Variants in KNL1 observed in about 807,000 individuals in gnomAD.
The protein encoded by KNL1 is kinetochore scaffold 1, also known as outer kinetochore KNL1 complex subunit KNL1.
A neutral mutation model predicts 201.3 loss-of-function variants in KNL1; 66 were observed. The ratio of observed to expected loss-of-function variants is 0.33; its 90% CI spans 0.27 to 0.40. The LOEUF is 0.40. KNL1 is among the 10% of genes least tolerant of loss of function. KNL1 has a pLI of 1.00. For missense variants in KNL1, 2,815 were observed against 2,690.5 expected (o/e 1.05, Z -1.02); for synonymous variants, 895 against 899.2 (o/e 1.00, Z 0.08).
intron 1 of KNL1, among the ~76,000 whole-genome samples, chr15:40,599,402 G>A (rs1183580579): frequency 4.1e-5 from 6 of 147,030 alleles, no homozygotes; most frequent in Non-Finnish European, 6.0e-5. Context: ...CCCACCCCCC[G>A]AGACAGGGTC....
At chr15:40,661,971 G>A (rs1174353129) in intron 25 of KNL1, 103 bp from the exon 26 acceptor site, 3 of 626,188 alleles carry the variant, frequency 4.8e-6, no homozygotes, top group African/African-American at 3.7e-5. Context: ...AACCCGGGAG[G>A]TGGAGCTTGC....
intron 25 of KNL1, among the ~76,000 whole-genome samples, chr15:40,660,060 C>A (rs980916803): frequency 6.6e-6 from 1 of 151,806 alleles, no homozygotes; most frequent in South Asian, 2.1e-4. Context: ...TAAAGGCAAG[C>A]GCCACCACAC....
intron 6 of KNL1, chr15:40,610,685 G>A (rs1185475354): frequency 6.6e-6 from 3 of 452,126 alleles, no homozygotes; most frequent in African/African-American, 4.0e-5. Flanking sequence ...GCAAGACTCT[G>A]TCTCAAAAAC....
chr15:40,660,482 TG>T (rs1893875672), intron 25 of KNL1, among the ~76,000 whole-genome samples: 1 of 148,236 alleles, frequency 6.7e-6, no homozygotes, highest in Non-Finnish European at 1.5e-5. Context: ...CTGGCCAAGT[TG>T]GTGAAACCCC....
At chr15:40,657,509 A>C in intron 24 of KNL1, 36 bp downstream of exon 24, 1 of 1,093,778 alleles carries the variant, frequency 9.1e-7, no homozygotes. Flanking sequence ...GCCATGACAG[A>C]GTACTACAAA....
At chr15:40,610,924 A>G (rs1005714370) in intron 6 of KNL1, 7 of 437,380 alleles carry the variant, frequency 1.6e-5, no homozygotes, top group Non-Finnish European at 9.2e-6. Context: ...TAATTTTTGT[A>G]TTTTTAGTAG....
chr15:40,647,083 T>G lies in KNL1; in HGVS notation c.6094+9T>G. 7.6e-7 allele frequency: 1 copy of G among 1,307,904 alleles called. No homozygotes were observed. Among genetic ancestry groups the G allele is most frequent in the Non-Finnish European group, 1.1e-6 (1 of 905,062 alleles). The allele number at this position is 1,307,904 out of a possible 1,614,324, so 81.0% of individuals were successfully genotyped here. On this transcript the variant is annotated intron_variant, in intron 17 of 25. Coordinates refer to ENST00000399668, the MANE Select transcript of KNL1 (RefSeq NM_144508.5). ...CACTGAGATGGAAACAGGTAAAGTA[T>G]TTTAAATACTTTTCCAAAAGAAAAT...
intron 13 of KNL1, among the ~76,000 whole-genome samples, chr15:40,638,554 C>T (rs1170286352): frequency 6.6e-6 from 1 of 151,692 alleles, no homozygotes; most frequent in Non-Finnish European, 1.5e-5. Flanking sequence ...TGCAATGGTG[C>T]GATCTCGGCT....
At chr15:40,626,641 G>A (rs1282801231) in intron 10 of KNL1, among the ~76,000 whole-genome samples, 1 of 151,964 alleles carries the variant, frequency 6.6e-6, no homozygotes, top group African/African-American at 2.4e-5. Context: ...GTGCAGTGGC[G>A]CGATCTCGGC....
chr15:40,622,196 G>A lies in KNL1; in HGVS notation c.1932G>A (p.Trp644Ter). 6.2e-7 allele frequency: 1 copy of A among 1,614,070 alleles called. No individual in the cohort carries two copies. The highest frequency in any genetic ancestry group is 8.5e-7 in the Non-Finnish European group (1 of 1,179,968). The change falls in exon 10 of 26, where the codon TGG becomes TGA. Residue 644 changes from tryptophan (W) to a stop codon, truncating the protein, a stop_gained. Coordinates refer to ENST00000399668, the MANE Select transcript of KNL1 (RefSeq NM_144508.5). LOFTEE classifies it high-confidence loss of function. Reference sequence around the variant, plus strand: ...ACACCTGGAACAAAGACAAAGATTGGGTTTTGAAGATTTTGCCCTACCTTG... The same window carrying A: ...ACACCTGGAACAAAGACAAAGATTGAGTTTTGAAGATTTTGCCCTACCTTG... ...LTDTWNKDKD[W>*]VLKILPYLDK...
intron 10 of KNL1, among the ~76,000 whole-genome samples, chr15:40,627,278 G>A (rs545384422): frequency 6.6e-6 from 1 of 152,316 alleles, no homozygotes; most frequent in African/African-American, 2.4e-5. Flanking sequence ...ACTTTGGGAG[G>A]CCAGGGCAGG....
At position 40,622,271 on chromosome 15, in the gene KNL1, C is replaced by T. The variant is rs1394452340; in HGVS notation, c.2007C>T (p.Ser669=). ...ATTGTAATCAGGAGATAGCAACAAG[C>T]CATAATATAGTCTACTGTGGTGGAG... ...SADCNQEIAT[S]HNIVYCGGVL... The change falls in exon 10 of 26, where the codon AGC becomes AGT. Residue 669 remains serine, a synonymous_variant. Transcript: ENST00000399668. 3 of 1,613,938 alleles carry T rather than the reference C, an allele frequency of 1.9e-6. No individual in the cohort carries two copies. The Admixed American group carries it at 5.0e-5, about 27-fold the overall frequency.
At chr15:40,658,914 A>G (rs540371589) in intron 24 of KNL1, among the ~76,000 whole-genome samples, 42 of 149,616 alleles carry the variant, frequency 2.8e-4, no homozygotes, top group Admixed American at 8.7e-4. Context: ...TGGGTGACAG[A>G]GCGAGACTCC....
intron 13 of KNL1, among the ~76,000 whole-genome samples, chr15:40,638,437 A>G (rs1213976460): frequency 6.6e-6 from 1 of 151,458 alleles, no homozygotes; most frequent in Non-Finnish European, 1.5e-5. Flanking sequence ...TCCTGCCTCA[A>G]CCTCCTGGGA....
chr15:40,625,406 A>G lies in KNL1; in HGVS notation c.5142A>G (p.Glu1714=). Residue 1714 remains glutamate (E), a synonymous_variant, in exon 10 of 26, where the codon GAA becomes GAG. Transcript: ENST00000399668. ...NLSPSQYINE[E]NLPVYPDEIN... ...GTCCTTCTCAATATATAAATGAGGA[A>G]AATCTTCCTGTATATCCTGATGAGA... 1 of 1,613,848 alleles carries G rather than the reference A, an allele frequency of 6.2e-7. No homozygotes were observed. Among genetic ancestry groups the G allele is most frequent in the African/African-American group, 1.3e-5 (1 of 75,012 alleles).
intron 4 of KNL1, among the ~76,000 whole-genome samples, chr15:40,608,557 C>G (rs1031347502): frequency 6.6e-6 from 1 of 151,436 alleles, no homozygotes; most frequent in Admixed American, 6.6e-5. Context: ...ACCAGCCTGA[C>G]CAACATGGAG....
At chr15:40,661,541 C>T (rs1405118901) in intron 25 of KNL1, among the ~76,000 whole-genome samples, 1 of 152,244 alleles carries the variant, frequency 6.6e-6, no homozygotes, top group East Asian at 1.9e-4. Flanking sequence ...AACACCAAGA[C>T]TAAGATTTTT....
Position 40,657,124 on chromosome 15 carries a change from A to G in KNL1, c.6567A>G (p.Thr2189=), listed in dbSNP as rs747464774. The change falls in exon 23 of 26, where the codon ACA becomes ACG. Residue 2189 remains threonine, a synonymous_variant. Transcript: ENST00000399668. Reference sequence around the variant, plus strand: ...AAGAAAAGGAATCCTGGAAGAAGACATGTACAACCCAGCATCAGTTACCCA... The same window carrying G: ...AAGAAAAGGAATCCTGGAAGAAGACGTGTACAACCCAGCATCAGTTACCCA... ...YVEEKESWKK[T]CTTQHQLPKM... The G allele has an allele frequency of 3.7e-6, 6 of 1,608,198 alleles. No homozygotes were observed. Among genetic ancestry groups the G allele is most frequent in the East Asian group, 4.5e-5 (2 of 44,822 alleles).
intron 6 of KNL1, 112 bp downstream of exon 6, chr15:40,610,409 T>C (rs1892115035): frequency 4.5e-6 from 3 of 666,664 alleles, no homozygotes; most frequent in Middle Eastern, 3.5e-4. Flanking sequence ...TTAAAAAATA[T>C]ATGATGGGCC....
Sources: gnomAD v4.1 joint callset for allele counts (sites outside exome capture counted in the v4.1 genomes callset) on GRCh38, gnomAD v4.1.1 for gene constraint, MANE v1.5 for transcripts, NCBI Gene and HGNC (gene_info 2026-07-23, HGNC 2026-07-21) for gene names.